The following KATNAL2 variants were observed in gnomAD, a reference collection of about 807,000 sequenced individuals.
The protein encoded by KATNAL2 is katanin catalytic subunit A1 like 2.
A neutral mutation model predicts 76.3 loss-of-function variants in KATNAL2; 52 were observed. The observed-to-expected ratio is 0.68, with a 90% confidence interval of 0.55 to 0.86. The LOEUF is 0.86. Ranked by LOEUF, KATNAL2 falls within the 40% of genes least tolerant of loss-of-function variation. KATNAL2 has a pLI of 0.00. For missense variants in KATNAL2, 660 were observed against 668.9 expected (o/e 0.99, Z 0.15); for synonymous variants, 243 against 244.2 (o/e 1.00, Z 0.05).
chr18:47,049,751 A>G (rs1156413329), intron 4 of KATNAL2, among the ~76,000 whole-genome samples: 1 of 152,128 alleles, frequency 6.6e-6, no homozygotes, highest in Admixed American at 6.5e-5. Context: ...GGTCTCACCT[A>G]TCATCCAGGC....
chr18:46,932,154 G>A (rs71352634), intron 1 of KATNAL2, among the ~76,000 whole-genome samples: 7 of 151,992 alleles, frequency 4.6e-5, no homozygotes, highest in African/African-American at 1.4e-4. Context: ...CTCGTGATCC[G>A]CCCGCCTTGG....
chr18:47,035,361 C>T (rs1284824821), intron 3 of KATNAL2: 7 of 1,581,862 alleles, frequency 4.4e-6, no homozygotes, highest in African/African-American at 2.7e-5. Flanking sequence ...CCTCGCTGCC[C>T]GGTCGCCAGG....
intron 3 of KATNAL2, among the ~76,000 whole-genome samples, chr18:46,961,719 C>T (rs1233327342): frequency 1.3e-5 from 2 of 152,136 alleles, no homozygotes; most frequent in African/African-American, 2.4e-5. Context: ...AGCAATTGCT[C>T]AAGTTGAATT....
At chr18:47,025,104 C>G (rs1337661444) in intron 3 of KATNAL2, among the ~76,000 whole-genome samples, 12 of 94,492 alleles carry the variant, frequency 1.3e-4, no homozygotes, top group East Asian at 3.9e-4. Flanking sequence ...ATCTCCCCCC[C>G]CCACCCCGCC....
At chr18:46,961,733 C>A (rs2059966203) in intron 3 of KATNAL2, among the ~76,000 whole-genome samples, 1 of 152,146 alleles carries the variant, frequency 6.6e-6, no homozygotes. Context: ...TTGAATTTTT[C>A]ACAGACCTGA....
chr18:47,091,707 T>C (rs1476696445), intron 15 of KATNAL2, among the ~76,000 whole-genome samples: 3 of 152,144 alleles, frequency 2.0e-5, no homozygotes, highest in Non-Finnish European at 2.9e-5. Context: ...ACATCTGTAG[T>C]GAGGGATTGT....
Position 47,069,618 on chromosome 18 carries a change from TG to T in KATNAL2, c.1008+19del. ...TCGTTCGGGTAGGAATTCTTAATTT[TG>T]TTTTTAAAAATAAGTTCTAGTGTAA... is the stretch of plus-strand genomic sequence containing the variant. On this transcript the variant is annotated intron_variant, in intron 13 of 17. Coordinates refer to ENST00000683218, the MANE Select transcript of KATNAL2 (RefSeq NM_001387690.1). 1 of 1,557,112 alleles carries T rather than the reference TG, an allele frequency of 6.4e-7. No individual in the cohort carries two copies. The highest frequency in any genetic ancestry group is 8.8e-7 in the Non-Finnish European group (1 of 1,131,146).
At chr18:47,098,466 C>T in intron 15 of KATNAL2, 1 of 166,396 alleles carries the variant, frequency 6.0e-6, no homozygotes, top group South Asian at 1.4e-4. Context: ...ATGAGAACAG[C>T]ATGCGTGGTG....
rs1461857954 is a variant in KATNAL2, at chr18:47,098,470, C to T, written c.1212-773C>T. 3.6e-5 allele frequency: 6 copies of T among 164,526 alleles called. No individual in the cohort carries two copies. The South Asian group carries it at 5.9e-4, about 16-fold the overall frequency. The allele number at this position is 164,526 out of a possible 1,614,324, so 10.2% of individuals were successfully genotyped here. ...TATTCACTACCATGAGAACAGCATG[C>T]GTGGTGGAAACTGCTCACGATTCAA... On this transcript the variant is annotated intron_variant, in intron 15 of 17. Transcript: ENST00000683218.
intron 3 of KATNAL2, among the ~76,000 whole-genome samples, chr18:47,036,165 A>G (rs1433004490): frequency 6.6e-6 from 1 of 152,338 alleles, no homozygotes; most frequent in African/African-American, 2.4e-5. Context: ...GAGGAAATAA[A>G]TAGAAGTCAG....
At chr18:47,038,123 A>C (rs2060843531) in intron 3 of KATNAL2, among the ~76,000 whole-genome samples, 1 of 152,234 alleles carries the variant, frequency 6.6e-6, no homozygotes, top group Admixed American at 6.5e-5. Flanking sequence ...ATTGGAGTTG[A>C]AGTACCTGCC....
rs544784476 is a variant in KATNAL2 at position 46,946,934 on chromosome 18, C to T, written c.51+11C>T. On this transcript the variant is annotated intron_variant, in intron 3 of 17. Coordinates refer to ENST00000683218, the MANE Select transcript of KATNAL2 (RefSeq NM_001387690.1). The stretch of plus-strand genomic sequence containing the variant: ...CAGGCGCGGGAAGCGGTAAGGAACG[C>T]ATATATAAAACATGATTATACCAAG... 1 of 1,497,848 alleles carries T rather than the reference C, an allele frequency of 6.7e-7. No homozygotes were observed. Among genetic ancestry groups the T allele is most frequent in the East Asian group, 2.5e-5 (1 of 40,758 alleles). 92.8% of individuals were successfully genotyped at this position (1,497,848 alleles called of 1,614,324 possible). A position where few individuals can be genotyped will look rare whatever the true frequency, so the allele number is the denominator to read the frequency against.
chr18:47,035,336 T>C (rs1200333365), intron 3 of KATNAL2: 1 of 1,605,284 alleles, frequency 6.2e-7, no homozygotes, highest in Non-Finnish European at 8.5e-7. Context: ...GGACAGGAAG[T>C]CTGGGGTGGC....
intron 15 of KATNAL2, among the ~76,000 whole-genome samples, chr18:47,084,847 T>TAAAAAAAAAAAAAA (rs34034453): frequency 1.2e-4 from 3 of 25,540 alleles, no homozygotes; most frequent in Non-Finnish European, 1.9e-4. Flanking sequence ...AGACTCTGTC[T>TAAAAAAAAAAAAAA]AAAAAAAAAA....
At chr18:47,035,335 G>T (rs2060720671) in intron 3 of KATNAL2, 1 of 1,605,612 alleles carries the variant, frequency 6.2e-7, no homozygotes, top group Non-Finnish European at 8.5e-7. Flanking sequence ...GGGACAGGAA[G>T]TCTGGGGTGG....
At position 46,917,715 on chromosome 18, in the gene KATNAL2, G is replaced by C. The variant is rs572421426; in HGVS notation, c.-721G>C. ...TCCCCGGCGGAGGCCCCTGCGGACT[G>C]CCTAGAGCTGGGTCGCAACTGAGGC... On this transcript the variant is annotated 5_prime_UTR_variant, in exon 1 of 18. Transcript: ENST00000683218. 1.0e-5 allele frequency: 3 copies of C among 296,028 alleles called. No homozygotes were observed. Among genetic ancestry groups the C allele is most frequent in the African/African-American group, 6.8e-5 (3 of 44,266 alleles). The allele number at this position is 296,028 out of a possible 1,614,324, so 18.3% of individuals were successfully genotyped here.
chr18:47,063,042 A>G lies in KATNAL2; in HGVS notation c.620A>G (p.Asn207Ser). 6.2e-7 allele frequency: 1 copy of G among 1,614,102 alleles called. No individual in the cohort carries two copies. Among genetic ancestry groups the G allele is most frequent in the Middle Eastern group, 1.7e-4 (1 of 6,060 alleles). The part of the protein sequence containing the change: ...IKGATSELAL[N>S]TFDHNPDPSE... ...GGAGCAACCAGTGAACTTGCCTTGA[A>G]CACCTTCGACCATAATCCAGACCCC... The change falls in exon 9 of 18, where the codon AAC becomes AGC. Residue 207 changes from asparagine to serine, a missense_variant. By Grantham distance (46) the Asn-to-Ser change is conservative (BLOSUM62 1). Coordinates refer to ENST00000683218, the MANE Select transcript of KATNAL2 (RefSeq NM_001387690.1).
At chr18:46,921,080 A>G (rs546645859) in intron 1 of KATNAL2, among the ~76,000 whole-genome samples, 1 of 152,310 alleles carries the variant, frequency 6.6e-6, no homozygotes, top group South Asian at 2.1e-4. Flanking sequence ...ATTCATTATA[A>G]GTACTGTGAT....
Position 47,066,550 on chromosome 18 carries a change from A to G in KATNAL2, c.727-471A>G, listed in dbSNP as rs149790418. Among the ~76,000 whole-genome samples, 716 of 152,292 alleles carry G rather than the reference A, an allele frequency of 4.7e-3. 2 individuals are homozygous for G. Among genetic ancestry groups the G allele is most frequent in the Non-Finnish European group, 7.9e-3 (540 of 68,026 alleles). On this transcript the variant is annotated intron_variant, in intron 10 of 17. Coordinates refer to ENST00000683218, the MANE Select transcript of KATNAL2 (RefSeq NM_001387690.1). ...ATTATCTCCTTTATGCAACAAATTAAGAAAGTGTTTGTGAGATCAAGGAGC... is the reference window on the plus strand; with the variant it reads ...ATTATCTCCTTTATGCAACAAATTAGGAAAGTGTTTGTGAGATCAAGGAGC...
Sources: gnomAD v4.1 joint callset for allele counts (sites outside exome capture counted in the v4.1 genomes callset) on GRCh38, gnomAD v4.1.1 for gene constraint, MANE v1.5 for transcripts, NCBI Gene and HGNC (gene_info 2026-07-23, HGNC 2026-07-21) for gene names.